The following MTBP variants were observed in gnomAD, a reference collection of about 807,000 sequenced individuals.
MTBP encodes the protein MDM2 binding protein.
In MTBP, 101 loss-of-function variants were observed where a neutral mutation model predicts 117.0. The ratio of observed to expected loss-of-function variants is 0.86; its 90% CI spans 0.73 to 1.02. The LOEUF is 1.02. MTBP is among the 50% of genes least tolerant of loss of function. The probability of loss-of-function intolerance (pLI) is 0.00; values close to 1 mark genes in which losing one functional copy is unlikely to be tolerated. For synonymous variants in MTBP, 350 were observed against 351.5 expected (o/e 1.00, Z 0.05); for missense variants, 970 against 1,030.9 (o/e 0.94, Z 0.81).
At chr8:120,521,165 T>C (rs2130625373) in intron 20 of MTBP, among the ~76,000 whole-genome samples, 1 of 152,250 alleles carries the variant, frequency 6.6e-6, no homozygotes, top group African/African-American at 2.4e-5. Flanking sequence ...TCCTGTATAC[T>C]TCAGGGCTTG....
intron 10 of MTBP, among the ~76,000 whole-genome samples, chr8:120,464,357 A>T (rs1399329382): frequency 6.6e-6 from 1 of 151,986 alleles, no homozygotes; most frequent in Non-Finnish European, 1.5e-5. Flanking sequence ...TTCAGTTTCT[A>T]ATAGGAAAAA....
chr8:120,500,039 G>GT (rs1371582855), intron 14 of MTBP, among the ~76,000 whole-genome samples: 1 of 152,158 alleles, frequency 6.6e-6, no homozygotes, highest in Non-Finnish European at 1.5e-5. Context: ...ATTTAAGTAT[G>GT]TAAGGTTATA....
intron 11 of MTBP, chr8:120,471,695 C>A (rs1388040584): frequency 2.0e-5 from 3 of 152,080 alleles, no homozygotes; most frequent in Non-Finnish European, 4.4e-5. Context: ...TTTGTAATAA[C>A]CCCATATACT....
chr8:120,516,274 T>A, intron 18 of MTBP, 83 bp downstream of exon 18: 1 of 1,219,548 alleles, frequency 8.2e-7, no homozygotes, highest in East Asian at 2.6e-5. Flanking sequence ...TATATTAGTC[T>A]TTCAGGTTAA....
At chr8:120,446,404 T>G (rs755883046) in intron 1 of MTBP, 29 bp from the exon 2 acceptor site, 1 of 1,411,886 alleles carries the variant, frequency 7.1e-7, no homozygotes, top group South Asian at 1.2e-5. Flanking sequence ...TCTAGAGCCC[T>G]TTGAGTTAGT....
chr8:120,515,994 T>C lies in MTBP; in HGVS notation c.2049T>C (p.Ile683=). The C allele has an allele frequency of 6.2e-7, 1 of 1,613,080 alleles. No individual in the cohort carries two copies. The highest frequency in any genetic ancestry group is 1.1e-5 in the South Asian group (1 of 91,036). ...TTTCTGAACTTCAGTCTCGTCTTATTCGTTATGAAACTCAAACTACCTGCA... is the reference window on the plus strand; with the variant it reads ...TTTCTGAACTTCAGTCTCGTCTTATCCGTTATGAAACTCAAACTACCTGCA... The part of the protein sequence containing the change: ...GGFSELQSRL[I]RYETQTTCTR... Residue 683 remains isoleucine (I), a synonymous_variant, in exon 18 of 22, where the codon ATT becomes ATC. Transcript: ENST00000305949.
chr8:120,501,633 T>A (rs964051848), intron 14 of MTBP, among the ~76,000 whole-genome samples: 2 of 152,178 alleles, frequency 1.3e-5, no homozygotes, highest in Non-Finnish European at 1.5e-5. Context: ...AATATTTTTG[T>A]TAATGTTGAT....
intron 11 of MTBP, among the ~76,000 whole-genome samples, chr8:120,476,018 A>T (rs972463519): frequency 6.6e-6 from 1 of 152,052 alleles, no homozygotes; most frequent in Non-Finnish European, 1.5e-5. Context: ...TTTATATTAC[A>T]ATTGAGAAAA....
chr8:120,485,965 G>A (rs1380421764), intron 11 of MTBP, among the ~76,000 whole-genome samples: 1 of 152,098 alleles, frequency 6.6e-6, no homozygotes, highest in Non-Finnish European at 1.5e-5. Flanking sequence ...TGCCTCATTT[G>A]CTATCACATG....
At chr8:120,511,807 A>G (rs1446139069) in intron 17 of MTBP, among the ~76,000 whole-genome samples, 1 of 151,884 alleles carries the variant, frequency 6.6e-6, no homozygotes, top group African/African-American at 2.4e-5. Context: ...CAGTTTTTAG[A>G]AAAAAACAAT....
chr8:120,446,692 C>T (rs1813235080), intron 2 of MTBP, among the ~76,000 whole-genome samples, 179 bp downstream of exon 2: 1 of 152,092 alleles, frequency 6.6e-6, no homozygotes, highest in Non-Finnish European at 1.5e-5. Flanking sequence ...CTTCTAGATG[C>T]TTGAATATAG....
chr8:120,506,104 ATATAT>A lies in MTBP; in HGVS notation c.1728-596_1728-592del, dbSNP rs1814680012. On this transcript the variant is annotated intron_variant, in intron 15 of 21. Coordinates refer to ENST00000305949, the MANE Select transcript of MTBP (RefSeq NM_022045.5). ...TCAAGGAAACTTGTGAGGATTAAGA[ATATAT>A]TATATGTAAAGTAGTTTGAAAAATA... 2.0e-5 allele frequency among the ~76,000 whole-genome samples: 3 copies of A among 152,198 alleles called. No homozygotes were observed. The South Asian group carries it at 6.2e-4, about 32-fold the overall frequency.
At chr8:120,453,999 C>T in intron 5 of MTBP, 94 bp downstream of exon 5, 1 of 662,408 alleles carries the variant, frequency 1.5e-6, no homozygotes, top group Non-Finnish European at 2.4e-6. Context: ...AGTGTTCTCA[C>T]TCTAATCTTT....
At chr8:120,445,656 C>G in intron 1 of MTBP, 68 bp downstream of exon 1, 5 of 1,300,898 alleles carry the variant, frequency 3.8e-6, no homozygotes, top group Non-Finnish European at 5.4e-6. Context: ...GTTTTGTGAT[C>G]AAGTTCTGCT....
chr8:120,517,987 C>T lies in MTBP; in HGVS notation c.2383C>T (p.Pro795Ser), dbSNP rs764560700. The T allele has an allele frequency of 1.2e-6, 2 of 1,612,796 alleles. No individual in the cohort carries two copies. Among genetic ancestry groups the T allele is most frequent in the Non-Finnish European group, 1.7e-6 (2 of 1,179,144 alleles). Residue 795 changes from proline to serine, a missense_variant, in exon 19 of 22, where the codon CCT becomes TCT. Physicochemically the swap from Pro to Ser is moderately conservative, Grantham distance 74 (BLOSUM62 -1). Coordinates refer to ENST00000305949, the MANE Select transcript of MTBP (RefSeq NM_022045.5). ...AGTGACTTGTCCATTGGTTCCAATT[C>T]CTAGCTGTGAAACTCCAAAACTTGC... ...LPVTCPLVPI[P>S]SCETPKLATK...
chr8:120,448,318 T>G (rs1235699715), intron 2 of MTBP, among the ~76,000 whole-genome samples: 2 of 152,238 alleles, frequency 1.3e-5, no homozygotes, highest in African/African-American at 2.4e-5. Context: ...ATCTTCACCT[T>G]TTTGATCAAA....
At chr8:120,501,696 G>T (rs913820171) in intron 14 of MTBP, among the ~76,000 whole-genome samples, 4 of 152,000 alleles carry the variant, frequency 2.6e-5, no homozygotes, top group Non-Finnish European at 5.9e-5. Flanking sequence ...TTAGAACAAT[G>T]TTCAAAACAA....
chr8:120,520,850 T>C (rs541633590), intron 20 of MTBP, among the ~76,000 whole-genome samples: 341 of 152,194 alleles, frequency 2.2e-3, no homozygotes, highest in Non-Finnish European at 3.7e-3. Flanking sequence ...TAGTATTCTA[T>C]ACCCAGTCTG....
chr8:120,506,654 C>G (rs1489281718), intron 15 of MTBP, 52 bp from the exon 16 acceptor site: 3 of 1,253,452 alleles, frequency 2.4e-6, no homozygotes, highest in African/African-American at 3.1e-5. Flanking sequence ...ACTCTGGCTT[C>G]TCTCTGGATT....
Sources: gnomAD v4.1 joint callset for allele counts (sites outside exome capture counted in the v4.1 genomes callset) on GRCh38, gnomAD v4.1.1 for gene constraint, MANE v1.5 for transcripts, NCBI Gene and HGNC (gene_info 2026-07-23, HGNC 2026-07-21) for gene names.